Variants in RELCH observed in about 807,000 individuals in gnomAD.
RELCH encodes the protein RAB11-binding protein RELCH.
In RELCH, 41 loss-of-function variants were observed where a neutral mutation model predicts 150.3. The observed-to-expected ratio is 0.27, with a 90% CI of 0.21 to 0.35. RELCH has a LOEUF of 0.35. Ranked by LOEUF, RELCH falls within the 10% of genes least tolerant of loss-of-function variation. RELCH has a pLI of 1.00. For synonymous variants in RELCH, 478 were observed against 531.8 expected, an observed-to-expected ratio of 0.90 and a Z score of 1.39; for missense variants, 1,092 against 1,467.8, an observed-to-expected ratio of 0.74 and a Z score of 4.18.
rs540984188 is a variant in RELCH at position 62,265,979 on chromosome 18, A to G, written c.2632-722A>G. Among the ~76,000 whole-genome samples, 529 of 152,082 alleles carry G rather than the reference A, an allele frequency of 3.5e-3. 1 individual carries two copies. The highest frequency in any genetic ancestry group is 6.1e-3 in the Non-Finnish European group (412 of 67,908). ...AGCATTCAGTTGTTAAACAAATATA[A>G]TTTGATTTTCCTGTTATCAATATTG... On this transcript the variant is annotated intron_variant, in intron 18 of 28. Coordinates refer to ENST00000644646, the MANE Select transcript of RELCH (RefSeq NM_001346231.2).
chr18:62,258,044 G>T lies in RELCH; in HGVS notation c.1993G>T (p.Gly665Cys). The T allele has an allele frequency of 6.2e-7, 1 of 1,607,016 alleles. No homozygotes were observed. Among genetic ancestry groups the T allele is most frequent in the Non-Finnish European group, 8.5e-7 (1 of 1,176,396 alleles). The change falls in exon 14 of 29, where the codon GGT becomes TGT. Residue 665 changes from glycine to cysteine, a missense_variant. Gly to Cys is a radical substitution (Grantham distance 159). Around this residue, in one of 4 missense-constraint regions of RELCH, gnomAD observed 707 missense variants for 1,025.4 expected, o/e 0.69. Coordinates refer to ENST00000644646, the MANE Select transcript of RELCH (RefSeq NM_001346231.2). The part of the protein sequence containing the change: ...LVREAVIKSL[G>C]IIMGYIDDPD... Reference sequence around the variant, plus strand: ...AAGAGAAGCTGTTATCAAAAGCCTTGGTATCATTATGGGATACATTGATGA... The same window carrying T: ...AAGAGAAGCTGTTATCAAAAGCCTTTGTATCATTATGGGATACATTGATGA...
In RELCH at chr18:62,210,598, T is replaced by C. The variant is rs1488568295; in HGVS notation, c.527-555T>C. On this transcript the variant is annotated intron_variant, in intron 1 of 28. Coordinates refer to ENST00000644646, the MANE Select transcript of RELCH (RefSeq NM_001346231.2). ...ATATTAACTCCTTTCGTTTATTGTA[T>C]ACATATATTCCTTTACTTCACTGAG... Among the ~76,000 whole-genome samples the C allele has an allele frequency of 2.0e-5, 3 of 152,250 alleles. No homozygotes were observed. In the East Asian group the frequency reaches 5.8e-4, roughly 29 times the overall value.
chr18:62,228,316 T>C lies in RELCH; in HGVS notation c.1166T>C (p.Phe389Ser). The change falls in exon 8 of 29, where the codon TTC (phenylalanine) becomes TCC (serine). Residue 389 changes from phenylalanine to serine, a missense_variant. Transcript: ENST00000644646. ...TTCTCTTTCTACAGTGAAATGGACT[T>C]CCTCAAAAATGAACACTTTGCCATC... ...QIRRLKSEMD[F>S]LKNEHFAIPA... 1 of 1,609,454 alleles carries C rather than the reference T, an allele frequency of 6.2e-7. No homozygotes were observed. The highest frequency in any genetic ancestry group is 8.5e-7 in the Non-Finnish European group (1 of 1,178,150).
At chr18:62,221,160 T>G (rs2040844999) in intron 3 of RELCH, 52 bp downstream of exon 3, 1 of 1,590,106 alleles carries the variant, frequency 6.3e-7, no homozygotes, top group African/African-American at 1.3e-5. Context: ...AATGTAGAAG[T>G]AGCTGAGATA....
rs2040880046 is a variant in RELCH at position 62,221,603 on chromosome 18, A to C, written c.858+106A>C. On this transcript the variant is annotated intron_variant, in intron 5 of 28. Transcript: ENST00000644646. ...TTTTTTTAAGTTATATATATAGTAAAATTCTACAAGGCTAGTTACTAGAAC... is the reference window on the plus strand; with the variant it reads ...TTTTTTTAAGTTATATATATAGTAACATTCTACAAGGCTAGTTACTAGAAC... 8.0e-6 allele frequency: 4 copies of C among 498,656 alleles called. 1 individual carries two copies. Among genetic ancestry groups the C allele is most frequent in the Non-Finnish European group, 1.4e-5 (4 of 287,836 alleles). The allele number at this position is 498,656 out of a possible 1,614,324, so 30.9% of individuals were successfully genotyped here.
At chr18:62,269,288 C>T (rs1014580178) in intron 20 of RELCH, 2 of 315,740 alleles carry the variant, frequency 6.3e-6, no homozygotes, top group African/African-American at 4.4e-5. Context: ...CTACAAAGCA[C>T]TGTAGAACAC....
At chr18:62,217,167 G>A (rs569515207) in intron 2 of RELCH, among the ~76,000 whole-genome samples, 1 of 151,890 alleles carries the variant, frequency 6.6e-6, no homozygotes, top group African/African-American at 2.4e-5. Flanking sequence ...GAGAAGGAGG[G>A]TTTTATCTTT....
chr18:62,266,706 AC>A lies in RELCH; in HGVS notation c.2639del (p.Pro880LeufsTer7). On this transcript the variant is annotated frameshift_variant, in exon 19 of 29. Coordinates refer to ENST00000644646, the MANE Select transcript of RELCH (RefSeq NM_001346231.2). LOFTEE classifies it high-confidence loss of function. ...GKIFTNTKVK[P>X]QFQEILRLSE... The stretch of plus-strand genomic sequence containing the variant: ...CTTCTCTTTGGGTTGCTTAGGTAAA[AC>A]CTCAGTTCCAGGAGATTTTAAGACT... The A allele has an allele frequency of 1.2e-6, 2 of 1,602,118 alleles. No individual in the cohort carries two copies. The highest frequency in any genetic ancestry group is 1.7e-6 in the Non-Finnish European group (2 of 1,172,302).
chr18:62,227,250 T>C (rs1163812174), intron 5 of RELCH, 39 bp from the exon 6 acceptor site: 1 of 1,340,590 alleles, frequency 7.5e-7, no homozygotes, highest in Admixed American at 2.3e-5. Context: ...AAGATAAAAT[T>C]TCCTCGAAGA....
At chr18:62,194,156 G>T (rs1443651235) in intron 1 of RELCH, among the ~76,000 whole-genome samples, 2 of 152,122 alleles carry the variant, frequency 1.3e-5, no homozygotes, top group African/African-American at 4.8e-5. Context: ...GCTGAGATAG[G>T]AGGATCGCTT....
At chr18:62,287,224 T>A in intron 25 of RELCH, 127 bp from the exon 26 acceptor site, 1 of 621,674 alleles carries the variant, frequency 1.6e-6, no homozygotes, top group East Asian at 2.8e-5. Flanking sequence ...ATATGGGTAA[T>A]CTTTTGAAGT....
At chr18:62,194,875 G>T (rs948261355) in intron 1 of RELCH, among the ~76,000 whole-genome samples, 8 of 151,986 alleles carry the variant, frequency 5.3e-5, no homozygotes, top group Admixed American at 3.3e-4. Flanking sequence ...ATAAAAAGTG[G>T]TTTTCTTTAT....
chr18:62,275,195 G>A (rs949925407), intron 21 of RELCH, among the ~76,000 whole-genome samples, 179 bp from the exon 22 acceptor site: 1 of 152,160 alleles, frequency 6.6e-6, no homozygotes, highest in Non-Finnish European at 1.5e-5. Flanking sequence ...GATTACAGGC[G>A]TGAGCCACTG....
rs141472048 is a variant in RELCH at position 62,205,939 on chromosome 18, G to A, written c.527-5214G>A. On this transcript the variant is annotated intron_variant, in intron 1 of 28. Coordinates refer to ENST00000644646, the MANE Select transcript of RELCH (RefSeq NM_001346231.2). ...ACTGGGAGGCTGAAGTGGGAGGATC[G>A]CTTGAGCCCAGGAAGTCGAGACTGC... Among the ~76,000 whole-genome samples the A allele has an allele frequency of 2.3e-3, 343 of 152,186 alleles. 4 individuals are homozygous for A. Among genetic ancestry groups the A allele is most frequent in the African/African-American group, 7.9e-3 (329 of 41,538 alleles).
At chr18:62,209,429 A>G (rs1266304066) in intron 1 of RELCH, among the ~76,000 whole-genome samples, 1 of 152,206 alleles carries the variant, frequency 6.6e-6, no homozygotes, top group African/African-American at 2.4e-5. Context: ...TACTATTGTC[A>G]AAAACTACTT....
At chr18:62,210,247 C>G (rs1181553047) in intron 1 of RELCH, among the ~76,000 whole-genome samples, 1 of 152,122 alleles carries the variant, frequency 6.6e-6, no homozygotes, top group Non-Finnish European at 1.5e-5. Flanking sequence ...CTTCTCTTTA[C>G]TTACCCTCCT....
chr18:62,275,262 G>T, intron 21 of RELCH, 112 bp from the exon 22 acceptor site: 1 of 567,336 alleles, frequency 1.8e-6, no homozygotes, highest in South Asian at 2.7e-5. Flanking sequence ...AATTCCATAT[G>T]TTCTGCAAAT....
intron 10 of RELCH, among the ~76,000 whole-genome samples, chr18:62,240,381 CAAAG>C (rs973584874): frequency 2.0e-5 from 3 of 150,318 alleles, no homozygotes; most frequent in Non-Finnish European, 4.4e-5. Context: ...ACCATTGACT[CAAAG>C]AAAACCATTT....
intron 2 of RELCH, chr18:62,220,733 T>C (rs1400324668): frequency 6.4e-6 from 2 of 311,892 alleles, no homozygotes; most frequent in Admixed American, 1.0e-4. Flanking sequence ...ATTAATATTT[T>C]TATTTATCTA....
Sources: gnomAD v4.1 joint callset for allele counts (sites outside exome capture counted in the v4.1 genomes callset) on GRCh38, gnomAD v4.1.1 for gene constraint, gnomAD v4.1.1 regional missense constraint, MANE v1.5 for transcripts, NCBI Gene and HGNC (gene_info 2026-07-23, HGNC 2026-07-21) for gene names.